The following KIF6 variants were observed in gnomAD, a reference collection of about 807,000 sequenced individuals.
The protein encoded by KIF6 is kinesin-like protein KIF6.
In KIF6, 106 loss-of-function variants were observed where a neutral mutation model predicts 112.7. The ratio of observed to expected loss-of-function variants is 0.94; its 90% CI spans 0.80 to 1.11. The LOEUF is 1.11. KIF6 is among the 50% of genes least tolerant of loss of function. The pLI is 0.00. For missense variants in KIF6, 929 were observed against 964.0 expected (o/e 0.96, Z 0.48); for synonymous variants, 339 against 339.9 (o/e 1.00, Z 0.03).
chr6:39,346,932 A>G (rs1296964317), intron 19 of KIF6, among the ~76,000 whole-genome samples: 1 of 152,224 alleles, frequency 6.6e-6, no homozygotes, highest in Non-Finnish European at 1.5e-5. Flanking sequence ...TACAGGCGTG[A>G]GCCACTGTGC....
At chr6:39,592,048 G>T (rs1781982468) in intron 7 of KIF6, among the ~76,000 whole-genome samples, 1 of 152,162 alleles carries the variant, frequency 6.6e-6, no homozygotes, top group Non-Finnish European at 1.5e-5. Context: ...GGAGATGGAG[G>T]TTGCAGTGAG....
chr6:39,574,979 C>T (rs1005331975), intron 10 of KIF6, among the ~76,000 whole-genome samples: 6 of 152,078 alleles, frequency 3.9e-5, no homozygotes, highest in South Asian at 2.1e-4. Context: ...TCCAAGATTT[C>T]CCCTTGATTT....
chr6:39,379,333 C>T (rs1766721169), intron 16 of KIF6, among the ~76,000 whole-genome samples: 1 of 152,174 alleles, frequency 6.6e-6, no homozygotes, highest in African/African-American at 2.4e-5. Flanking sequence ...TCAAATGTCT[C>T]ATTGTGCTTT....
chr6:39,546,629 C>T (rs1052192760), intron 10 of KIF6, among the ~76,000 whole-genome samples: 39 of 152,162 alleles, frequency 2.6e-4, no homozygotes, highest in African/African-American at 9.4e-4. Flanking sequence ...AGTTCAAGAC[C>T]AGCCTGACCA....
At chr6:39,463,837 A>AT (rs1773626715) in intron 13 of KIF6, among the ~76,000 whole-genome samples, 1 of 152,050 alleles carries the variant, frequency 6.6e-6, no homozygotes, top group East Asian at 1.9e-4. Context: ...GGCCTTTCAG[A>AT]TTTTAACCAA....
At chr6:39,365,581 C>T (rs1288593942) in intron 16 of KIF6, among the ~76,000 whole-genome samples, 2 of 152,202 alleles carry the variant, frequency 1.3e-5, no homozygotes, top group Non-Finnish European at 2.9e-5. Context: ...AAGGAAGTAT[C>T]TTAATATGAA....
At chr6:39,573,913 G>A (rs564996407) in intron 10 of KIF6, among the ~76,000 whole-genome samples, 13 of 152,300 alleles carry the variant, frequency 8.5e-5, no homozygotes, top group African/African-American at 1.2e-4. Flanking sequence ...CTAACATAGA[G>A]TTTTGTGAAT....
At chr6:39,628,529 C>T (rs1784205164) in intron 5 of KIF6, among the ~76,000 whole-genome samples, 1 of 152,120 alleles carries the variant, frequency 6.6e-6, no homozygotes, top group Admixed American at 6.6e-5. Context: ...CCTGCCTTCC[C>T]TAACTCTGTA....
At chr6:39,357,541 T>G (rs1000174865) in intron 18 of KIF6, among the ~76,000 whole-genome samples, 167 bp from the exon 19 acceptor site, 2 of 151,574 alleles carry the variant, frequency 1.3e-5, no homozygotes, top group African/African-American at 4.9e-5. Flanking sequence ...CTCTGCCTTC[T>G]GGGTTCAAGC....
intron 3 of KIF6, among the ~76,000 whole-genome samples, chr6:39,677,666 A>G (rs1445921808): frequency 1.1e-4 from 14 of 125,208 alleles, no homozygotes; most frequent in African/African-American, 4.1e-4. Context: ...ATATCTCCCA[A>G]TGCTATCCCT....
chr6:39,639,853 T>TAAAGTTTTTTTAATAGTG, intron 3 of KIF6, 96 bp from the exon 4 acceptor site: 1 of 1,040,650 alleles, frequency 9.6e-7, no homozygotes, highest in Non-Finnish European at 1.4e-6. Flanking sequence ...TTAAACACTA[T>TAAAGTTTTTTTAATAGTG]TAAAAAAACT....
Position 39,617,931 on chromosome 6 carries a change from C to G in KIF6, c.510-4613G>C, listed in dbSNP as rs567479844. Reference sequence around the variant, plus strand: ...CACTTGTTTGTCAGTTCTCAATATCCTTTTTGTTTCTCCCCAACACATTTT... The same window carrying G: ...CACTTGTTTGTCAGTTCTCAATATCGTTTTTGTTTCTCCCCAACACATTTT... On this transcript the variant is annotated intron_variant, in intron 5 of 22. Transcript: ENST00000287152. Among the ~76,000 whole-genome samples the G allele has an allele frequency of 4.6e-5, 7 of 152,274 alleles. No homozygotes were observed. In the South Asian group the frequency reaches 1.2e-3, roughly 27 times the overall value.
intron 18 of KIF6, among the ~76,000 whole-genome samples, chr6:39,360,134 C>T (rs529900338): frequency 1.3e-5 from 2 of 152,286 alleles, no homozygotes; most frequent in East Asian, 3.9e-4. Context: ...GCATTGGTGG[C>T]AAACCCACTG....
intron 3 of KIF6, among the ~76,000 whole-genome samples, chr6:39,661,621 G>T (rs303661): frequency 0.86 from 130,521 of 152,118 alleles, 56,451 homozygotes; most frequent in East Asian, 0.97. Context: ...ATCAGAAAAG[G>T]AGTTAAAAGG....
At chr6:39,393,066 C>T (rs187930599) in intron 15 of KIF6, among the ~76,000 whole-genome samples, 53 of 152,324 alleles carry the variant, frequency 3.5e-4, no homozygotes, top group African/African-American at 1.3e-3. Flanking sequence ...ACTTAGATGA[C>T]CGCCCACTCC....
intron 12 of KIF6, among the ~76,000 whole-genome samples, chr6:39,544,327 C>T (rs991703532): frequency 4.6e-5 from 7 of 152,298 alleles, no homozygotes; most frequent in African/African-American, 1.7e-4. Flanking sequence ...ATGTTCCCTG[C>T]AAGAGTAACT....
chr6:39,565,750 T>C (rs1276771406), intron 10 of KIF6, among the ~76,000 whole-genome samples: 1 of 152,230 alleles, frequency 6.6e-6, no homozygotes, highest in Non-Finnish European at 1.5e-5. Context: ...TTTATAAGAC[T>C]GTGTGATATT....
chr6:39,705,470 A>G (rs1789148007), intron 3 of KIF6, among the ~76,000 whole-genome samples: 1 of 152,234 alleles, frequency 6.6e-6, no homozygotes, highest in Admixed American at 6.5e-5. Context: ...TTTAAGCAAT[A>G]AAGGGAAGGC....
intron 22 of KIF6, among the ~76,000 whole-genome samples, chr6:39,341,055 T>G (rs1428254559): frequency 1.3e-5 from 2 of 152,180 alleles, no homozygotes; most frequent in Non-Finnish European, 1.5e-5. Context: ...TCTCTATGCA[T>G]GTTTCAGCAC....
Sources: allele counts gnomAD v4.1 joint callset (sites outside exome capture counted in the v4.1 genomes callset), GRCh38; gene constraint gnomAD v4.1.1; transcripts MANE v1.5; gene names NCBI Gene and HGNC (gene_info 2026-07-23, HGNC 2026-07-21).